Variants in NIBAN2 observed in about 807,000 individuals in gnomAD.
The protein encoded by NIBAN2 is niban apoptosis regulator 2.
Under a neutral mutation model 81.8 loss-of-function variants are expected in NIBAN2, and 36 were observed. The observed-to-expected ratio is 0.44, with a 90% confidence interval of 0.34 to 0.58. NIBAN2 has a LOEUF of 0.58. NIBAN2 is among the 20% of genes least tolerant of loss of function. The pLI, the probability that NIBAN2 is intolerant of heterozygous loss-of-function variation, is 0.02. For synonymous variants in NIBAN2, 445 were observed against 441.6 expected, an observed-to-expected ratio of 1.01 and a Z score of -0.10; for missense variants, 897 against 1,014.1, an observed-to-expected ratio of 0.88 and a Z score of 1.57.
At chr9:127,543,771 A>G (rs1837423734) in intron 1 of NIBAN2, among the ~76,000 whole-genome samples, 1 of 152,122 alleles carries the variant, frequency 6.6e-6, no homozygotes, top group South Asian at 2.1e-4. Flanking sequence ...CCAGACTTTC[A>G]AGGCCCTGCT....
At chr9:127,574,308 G>A (rs1162360903) in intron 1 of NIBAN2, among the ~76,000 whole-genome samples, 1 of 152,182 alleles carries the variant, frequency 6.6e-6, no homozygotes, top group African/African-American at 2.4e-5. Flanking sequence ...TGACTCATCA[G>A]GCCTTTCTCT....
At chr9:127,560,363 G>A (rs1417529399) in intron 1 of NIBAN2, among the ~76,000 whole-genome samples, 3 of 151,984 alleles carry the variant, frequency 2.0e-5, no homozygotes, top group African/African-American at 4.8e-5. Context: ...ACACACGCAG[G>A]TCCAGTCCCT....
chr9:127,575,184 A>G (rs1035117933), intron 1 of NIBAN2, among the ~76,000 whole-genome samples: 4 of 151,846 alleles, frequency 2.6e-5, no homozygotes, highest in South Asian at 2.1e-4. Context: ...CACATCCTCA[A>G]ACTAGCCCTG....
At chr9:127,515,525 A>AC (rs1564297059) in intron 8 of NIBAN2, among the ~76,000 whole-genome samples, 1 of 67,452 alleles carries the variant, frequency 1.5e-5, no homozygotes, top group African/African-American at 4.9e-5. Flanking sequence ...CGTCTCAAAA[A>AC]AAAAAAAAAA....
In NIBAN2 at chr9:127,536,807, G is replaced by A. The variant is rs1332986572; in HGVS notation, c.56-5029C>T. ...ATGCCACCCTCCTGGTCCTAGCTCT[G>A]GCCATTGTCTACAGGGCCCCACAGG... On this transcript the variant is annotated intron_variant, in intron 1 of 13. Coordinates refer to ENST00000373312, the MANE Select transcript of NIBAN2 (RefSeq NM_022833.4). This position sits in a 1 kb window ranked among gnomAD's most constrained non-coding sequence, Gnocchi z 4.0. 2.0e-5 allele frequency among the ~76,000 whole-genome samples: 3 copies of A among 152,186 alleles called. No homozygotes were observed. The highest frequency in any genetic ancestry group is 4.4e-5 in the Non-Finnish European group (3 of 68,032).
rs1723208764 is a variant in NIBAN2 at position 127,517,278 on chromosome 9, T to C, written c.706-62A>G. The C allele has an allele frequency of 1.4e-6, 2 of 1,447,268 alleles. No homozygotes were observed. The highest frequency in any genetic ancestry group is 2.3e-4 in the Middle Eastern group (1 of 4,364). The allele number at this position is 1,447,268 out of a possible 1,614,324, so 89.7% of individuals were successfully genotyped here. The stretch of plus-strand genomic sequence containing the variant: ...AGAGCGCTCAGCTGGCCTGTTTCTC[T>C]CTGCATTCCCACAAGCCAGGCCGCT... On this transcript the variant is annotated intron_variant, in intron 6 of 13. Transcript: ENST00000373312. This position sits in a 1 kb window ranked among gnomAD's most constrained non-coding sequence, Gnocchi z 4.0.
chr9:127,573,564 C>G (rs565047344), upstream of NIBAN2, among the ~76,000 whole-genome samples: 1 of 152,092 alleles, frequency 6.6e-6, no homozygotes, highest in African/African-American at 2.4e-5. Flanking sequence ...CCCCTGCCCT[C>G]ACGCTGGAGG....
At chr9:127,528,036 G>A (rs1165090829) in intron 2 of NIBAN2, among the ~76,000 whole-genome samples, 1 of 152,224 alleles carries the variant, frequency 6.6e-6, no homozygotes. Flanking sequence ...CTCACAGTGT[G>A]TCTAGTCACT....
intron 1 of NIBAN2, among the ~76,000 whole-genome samples, chr9:127,548,135 C>T (rs1374068774): frequency 6.6e-6 from 1 of 152,204 alleles, no homozygotes; most frequent in Non-Finnish European, 1.5e-5. Context: ...ACAGCACCTC[C>T]CTGGTCCCTC....
At chr9:127,528,094 C>T (rs915312645) in intron 2 of NIBAN2, among the ~76,000 whole-genome samples, 3 of 152,212 alleles carry the variant, frequency 2.0e-5, no homozygotes, top group African/African-American at 7.2e-5. Flanking sequence ...TAAGAGTTGG[C>T]ACCTGACAGG....
Position 127,507,483 on chromosome 9 carries a change from C to T in NIBAN2, c.1655-52G>A. On this transcript the variant is annotated intron_variant, in intron 13 of 13. Transcript: ENST00000373312. The surrounding 1 kb of genome is among the most constrained non-coding windows in gnomAD (Gnocchi z 6.8). ...GACACAGCACTGATCCCACAGCCGC[C>T]CCTGTGCTGGACTCTGCTCAAAGAA... 2 of 1,406,782 alleles carry T rather than the reference C, an allele frequency of 1.4e-6. No individual in the cohort carries two copies. Among genetic ancestry groups the T allele is most frequent in the Non-Finnish European group, 1.9e-6 (2 of 1,057,182 alleles). The allele number at this position is 1,406,782 out of a possible 1,614,324, so 87.1% of individuals were successfully genotyped here. A position where few individuals can be genotyped will look rare whatever the true frequency, so the allele number is the denominator to read the frequency against.
intron 1 of NIBAN2, among the ~76,000 whole-genome samples, chr9:127,558,638 C>T (rs367651059): frequency 6.6e-6 from 1 of 152,128 alleles, no homozygotes; most frequent in Non-Finnish European, 1.5e-5. Context: ...CCTTCCCCAG[C>T]CCATCAGGCC....
At chr9:127,578,488 C>T (rs546899774) in intron 1 of NIBAN2, among the ~76,000 whole-genome samples, 2 of 151,574 alleles carry the variant, frequency 1.3e-5, no homozygotes, top group East Asian at 1.9e-4. Flanking sequence ...ATCGTGAAAC[C>T]GTCTCTACTA....
At chr9:127,534,709 G>A (rs543115218) in intron 1 of NIBAN2, among the ~76,000 whole-genome samples, 1 of 152,196 alleles carries the variant, frequency 6.6e-6, no homozygotes, top group Non-Finnish European at 1.5e-5. Flanking sequence ...TCCAGTTTGG[G>A]GGGAGGAAGG....
At chr9:127,543,261 G>A (rs1837413631) in intron 1 of NIBAN2, among the ~76,000 whole-genome samples, 1 of 152,186 alleles carries the variant, frequency 6.6e-6, no homozygotes, top group Non-Finnish European at 1.5e-5. Flanking sequence ...AAGCTAATGG[G>A]TGTCACGCTG....
chr9:127,578,520 G>T (rs921479993), intron 1 of NIBAN2, among the ~76,000 whole-genome samples: 1 of 151,772 alleles, frequency 6.6e-6, no homozygotes, highest in African/African-American at 2.4e-5. Context: ...AAATTAGCTG[G>T]GCATGGCGGT....
At chr9:127,533,457 A>T (rs1837221909) in intron 1 of NIBAN2, among the ~76,000 whole-genome samples, 1 of 152,072 alleles carries the variant, frequency 6.6e-6, no homozygotes, top group Admixed American at 6.5e-5. Flanking sequence ...ACTCCATCTC[A>T]AAAAACAAAA....
chr9:127,554,548 C>CTTTCTTTTTTTTTTTTTTT (rs1837632346), intron 1 of NIBAN2, among the ~76,000 whole-genome samples: 4 of 103,706 alleles, frequency 3.9e-5, no homozygotes, highest in African/African-American at 7.4e-5. Flanking sequence ...TTTTCTTTTT[C>CTTTCTTTTTTTTTTTTTTT]TTTTTTTTTT....
upstream of NIBAN2, chr9:127,569,166 C>A (rs1426979612): frequency 2.5e-6 from 2 of 789,606 alleles, no homozygotes; most frequent in African/African-American, 4.1e-5. Context: ...CCTCCCCGCC[C>A]GCTGCCCTGC....
Sources: allele counts gnomAD v4.1 joint callset (sites outside exome capture counted in the v4.1 genomes callset), GRCh38; gene constraint gnomAD v4.1.1; non-coding constraint Gnocchi (gnomAD v3.1); transcripts MANE v1.5; gene names NCBI Gene and HGNC (gene_info 2026-07-23, HGNC 2026-07-21).